CACNA2D3: variants seen among roughly 807,000 people sequenced by gnomAD.
CACNA2D3 encodes calcium voltage-gated channel auxiliary subunit alpha2delta 3, also known as voltage-dependent calcium channel subunit alpha-2/delta-3.
A neutral mutation model predicts 160.6 loss-of-function variants in CACNA2D3; 60 were observed. That is an observed-to-expected ratio of 0.37 (90% CI 0.30 to 0.46). The LOEUF is 0.46. CACNA2D3 is among the 20% of genes least tolerant of loss of function. The pLI is 1.00. For missense variants in CACNA2D3, 1,205 were observed against 1,365.0 expected (o/e 0.88, Z 1.85); for synonymous variants, 558 against 492.9 (o/e 1.13, Z -1.75).
At chr3:54,806,089 C>A (rs1264377164) in intron 13 of CACNA2D3, among the ~76,000 whole-genome samples, 3 of 152,294 alleles carry the variant, frequency 2.0e-5, no homozygotes, top group South Asian at 2.1e-4. Context: ...AACCCACAGC[C>A]AATATCATAC....
chr3:55,055,568 T>G (rs148818605), intron 35 of CACNA2D3, among the ~76,000 whole-genome samples: 1 of 152,278 alleles, frequency 6.6e-6, no homozygotes, highest in African/African-American at 2.4e-5. Context: ...GGAATTTTTT[T>G]TCTATTTCTA....
intron 29 of CACNA2D3, 147 bp from the exon 30 acceptor site, chr3:54,984,461 G>A (rs1307757898): frequency 1.6e-6 from 1 of 632,402 alleles, no homozygotes; most frequent in Non-Finnish European, 2.8e-6. Flanking sequence ...CCTAGAACCA[G>A]CAGGCTTTTG....
intron 2 of CACNA2D3, among the ~76,000 whole-genome samples, chr3:54,170,254 G>A (rs1352610137): frequency 6.6e-6 from 1 of 151,544 alleles, no homozygotes; most frequent in Non-Finnish European, 1.5e-5. Context: ...CCAGCAACAG[G>A]TACCCAGGCG....
chr3:54,377,559 A>G (rs1032661096), intron 3 of CACNA2D3, among the ~76,000 whole-genome samples: 2 of 152,166 alleles, frequency 1.3e-5, no homozygotes, highest in African/African-American at 2.4e-5. Context: ...AAATTTTTGT[A>G]TGTATATTCT....
chr3:54,174,563 C>T (rs532382539), intron 2 of CACNA2D3, among the ~76,000 whole-genome samples: 17 of 149,848 alleles, frequency 1.1e-4, no homozygotes, highest in African/African-American at 1.7e-4. Flanking sequence ...CTCGCTCTGT[C>T]GCCCAGGCTG....
At chr3:54,669,735 C>A (rs534080705) in intron 11 of CACNA2D3, among the ~76,000 whole-genome samples, 1 of 150,688 alleles carries the variant, frequency 6.6e-6, no homozygotes, top group African/African-American at 2.4e-5. Flanking sequence ...GACTGGGGCT[C>A]TTTAAAAAAA....
At chr3:54,651,426 A>G (rs1307671361) in intron 11 of CACNA2D3, among the ~76,000 whole-genome samples, 10 of 19,182 alleles carry the variant, frequency 5.2e-4, no homozygotes, top group Admixed American at 1.1e-3. Context: ...TTATCTCGAG[A>G]AAAAAAAAAA....
At chr3:54,690,921 C>G (rs1575425407) in intron 11 of CACNA2D3, among the ~76,000 whole-genome samples, 1 of 152,238 alleles carries the variant, frequency 6.6e-6, no homozygotes, top group Admixed American at 6.5e-5. Context: ...CAATCGAGGG[C>G]TGTCTTTTTA....
intron 11 of CACNA2D3, among the ~76,000 whole-genome samples, chr3:54,713,515 G>C (rs1700993153): frequency 6.6e-6 from 1 of 152,202 alleles, no homozygotes; most frequent in Admixed American, 6.5e-5. Context: ...ATGTAGTTAA[G>C]ATAATGGACC....
intron 11 of CACNA2D3, among the ~76,000 whole-genome samples, chr3:54,698,503 A>G (rs1700706159): frequency 1.3e-5 from 2 of 152,190 alleles, no homozygotes; most frequent in Admixed American, 1.3e-4. Context: ...TCTGCTCTGA[A>G]TGATCTTGAT....
intron 2 of CACNA2D3, among the ~76,000 whole-genome samples, chr3:54,211,860 T>A (rs1392394093): frequency 6.6e-6 from 1 of 152,174 alleles, no homozygotes; most frequent in Non-Finnish European, 1.5e-5. Flanking sequence ...TCCCCTAGTT[T>A]TTTACATTTT....
At chr3:54,944,878 G>T (rs936200907) in intron 27 of CACNA2D3, among the ~76,000 whole-genome samples, 1 of 151,974 alleles carries the variant, frequency 6.6e-6, no homozygotes, top group African/African-American at 2.4e-5. Context: ...TCATTTAGTT[G>T]TCTGTTTTTC....
rs2359855 is a variant in CACNA2D3 at position 54,570,002 on chromosome 3, C to T, written c.786C>T (p.Asp262=). ...CGAAAGACGTGGTCATTTTAGTTGA[C>T]GTCAGTGGCAGCATGAAAGGACTCC... ...TSPKDVVILV[D]VSGSMKGLRL... is the part of the protein sequence containing the mutation. The change falls in exon 8 of 38, where the codon GAC becomes GAT. Residue 262 remains aspartate (D), a synonymous_variant. Transcript: ENST00000474759. The T allele has an allele frequency of 0.043, 68,632 of 1,613,842 alleles. 3,114 individuals carry two copies. Among genetic ancestry groups the T allele is most frequent in the Admixed American group, 0.22 (13,387 of 60,008 alleles).
intron 9 of CACNA2D3, among the ~76,000 whole-genome samples, chr3:54,600,268 T>C (rs904574547): frequency 6.6e-6 from 1 of 152,222 alleles, no homozygotes; most frequent in Admixed American, 6.5e-5. Flanking sequence ...CTCTGGGTCA[T>C]GTTGCTAATT....
chr3:54,797,979 A>G (rs1702900824), intron 13 of CACNA2D3, among the ~76,000 whole-genome samples: 1 of 152,188 alleles, frequency 6.6e-6, no homozygotes, highest in Admixed American at 6.5e-5. Context: ...GTAATATTAT[A>G]TTTCATCCTA....
At chr3:54,876,966 C>T (rs1699675191) in intron 18 of CACNA2D3, 2 of 152,160 alleles carry the variant, frequency 1.3e-5, no homozygotes, top group Non-Finnish European at 2.9e-5. Flanking sequence ...GGTCACGGGA[C>T]AGCTGGCTTG....
intron 2 of CACNA2D3, among the ~76,000 whole-genome samples, chr3:54,217,647 C>T (rs570462468): frequency 6.6e-6 from 1 of 152,000 alleles, no homozygotes; most frequent in Non-Finnish European, 1.5e-5. Context: ...AGCTGAGGAA[C>T]AGCAAGGAAT....
chr3:54,150,294 A>G (rs1490604484), intron 2 of CACNA2D3, among the ~76,000 whole-genome samples: 3 of 152,170 alleles, frequency 2.0e-5, no homozygotes, highest in African/African-American at 7.2e-5. Context: ...TAAATGTTAA[A>G]GGTCTAAACT....
intron 27 of CACNA2D3, among the ~76,000 whole-genome samples, chr3:54,939,985 G>T (rs780808277): frequency 2.0e-5 from 3 of 152,224 alleles, no homozygotes; most frequent in Non-Finnish European, 4.4e-5. Context: ...AGGACAGGAT[G>T]CCTCTAGGAC....
Sources: gnomAD v4.1 joint callset for allele counts (sites outside exome capture counted in the v4.1 genomes callset) on GRCh38, gnomAD v4.1.1 for gene constraint, MANE v1.5 for transcripts, NCBI Gene and HGNC (gene_info 2026-07-23, HGNC 2026-07-21) for gene names.